PTH2R: variants seen among roughly 807,000 people sequenced by gnomAD.
The protein encoded by PTH2R is PTH2 receptor.
Under a neutral mutation model 60.3 loss-of-function variants are expected in PTH2R, and 59 were observed. That is an observed-to-expected ratio of 0.98 (90% CI 0.79 to 1.22). The LOEUF (loss-of-function observed/expected upper bound fraction) is 1.22. Among genes scored for constraint, PTH2R ranks in the 50% most tolerant of loss-of-function variants. The pLI, the probability that PTH2R is intolerant of heterozygous loss-of-function variation, is 0.00. For synonymous variants in PTH2R, 256 were observed against 243.8 expected, an observed-to-expected ratio of 1.05 and a Z score of -0.47; for missense variants, 749 against 682.6, an observed-to-expected ratio of 1.10 and a Z score of -1.08.
intron 2 of PTH2R, among the ~76,000 whole-genome samples, chr2:208,432,514 C>G (rs760603723): frequency 5.9e-5 from 9 of 152,056 alleles, no homozygotes; most frequent in African/African-American, 9.7e-5. Flanking sequence ...TCAAAGTTCT[C>G]CAGAGGAACA....
intron 1 of PTH2R, among the ~76,000 whole-genome samples, chr2:208,411,793 A>G (rs1701544751): frequency 6.6e-6 from 1 of 152,128 alleles, no homozygotes; most frequent in South Asian, 2.1e-4. Context: ...CACTGGCTCC[A>G]CTGTAAAATA....
chr2:208,444,604 G>C, intron 6 of PTH2R, 130 bp from the exon 7 acceptor site: 2 of 693,856 alleles, frequency 2.9e-6, no homozygotes, highest in Non-Finnish European at 4.4e-6. Flanking sequence ...CAACAGTTTT[G>C]ACTTTACTGT....
chr2:208,454,890 A>G (rs1702479512), intron 8 of PTH2R, among the ~76,000 whole-genome samples: 1 of 151,542 alleles, frequency 6.6e-6, no homozygotes, highest in Non-Finnish European at 1.5e-5. Flanking sequence ...CTATGCACTG[A>G]AAAAAAAATC....
intron 1 of PTH2R, among the ~76,000 whole-genome samples, chr2:208,382,272 A>T (rs1211665567): frequency 6.6e-6 from 1 of 152,102 alleles, no homozygotes; most frequent in Non-Finnish European, 1.5e-5. Context: ...ATGAGCATTC[A>T]CATACATGTC....
intron 1 of PTH2R, among the ~76,000 whole-genome samples, chr2:208,421,404 T>C (rs1169696126): frequency 6.6e-6 from 1 of 151,966 alleles, no homozygotes; most frequent in Non-Finnish European, 1.5e-5. Context: ...TGTGTGAGTA[T>C]GCATGCTTCC....
chr2:208,424,169 G>T (rs1213538028), intron 1 of PTH2R, among the ~76,000 whole-genome samples: 1 of 152,208 alleles, frequency 6.6e-6, no homozygotes, highest in Non-Finnish European at 1.5e-5. Context: ...GGAAGTCCAG[G>T]CTTCTTATAT....
chr2:208,460,218 T>C (rs1702606078), intron 9 of PTH2R, among the ~76,000 whole-genome samples: 1 of 152,146 alleles, frequency 6.6e-6, no homozygotes, highest in Non-Finnish European at 1.5e-5. Flanking sequence ...TGAGCATTTA[T>C]ATGTTTAGGG....
intron 10 of PTH2R, among the ~76,000 whole-genome samples, chr2:208,487,784 G>A (rs778207851): frequency 6.6e-6 from 1 of 152,184 alleles, no homozygotes; most frequent in South Asian, 2.1e-4. Context: ...GTAGGATTCA[G>A]TTACTTGCTG....
chr2:208,442,332 C>G, intron 4 of PTH2R, 32 bp from the exon 5 acceptor site: 1 of 1,440,294 alleles, frequency 6.9e-7, no homozygotes, highest in Non-Finnish European at 9.8e-7. Context: ...AAAATAGTCC[C>G]ATATCATACA....
chr2:208,444,764 A>G lies in PTH2R; in HGVS notation c.730A>G (p.Ile244Val), dbSNP rs941939930. Reference protein sequence around the residue: ...IGCKIAVVMFIYFLATNYYWI... With the variant: ...IGCKIAVVMFVYFLATNYYWI... Reference sequence around the variant, plus strand: ...GTGCAAGATTGCTGTTGTGATGTTTATTTACTTCCTGGCTACAAATTATTA... The same window carrying G: ...GTGCAAGATTGCTGTTGTGATGTTTGTTTACTTCCTGGCTACAAATTATTA... Residue 244 changes from isoleucine (I) to valine (V), a missense_variant, in exon 7 of 13, where the codon ATT becomes GTT. Physicochemically the swap from Ile to Val is conservative, Grantham distance 29. Transcript: ENST00000272847. 8.7e-6 allele frequency: 14 copies of G among 1,613,636 alleles called. No homozygotes were observed. Among genetic ancestry groups the G allele is most frequent in the Non-Finnish European group, 1.2e-5 (14 of 1,179,842 alleles).
chr2:208,409,054 G>A (rs2105833602), intron 1 of PTH2R, among the ~76,000 whole-genome samples: 1 of 152,138 alleles, frequency 6.6e-6, no homozygotes, highest in East Asian at 1.9e-4. Context: ...AGATGTTGCT[G>A]TACATAGTTT....
At chr2:208,372,119 C>A (rs1024839387) in intron 1 of PTH2R, among the ~76,000 whole-genome samples, 1 of 152,046 alleles carries the variant, frequency 6.6e-6, no homozygotes, top group African/African-American at 2.4e-5. Context: ...GATGGGGTTT[C>A]ACCATGTTGG....
chr2:208,435,656 T>C (rs1237029627), intron 2 of PTH2R, among the ~76,000 whole-genome samples: 2 of 152,172 alleles, frequency 1.3e-5, no homozygotes, highest in Admixed American at 6.5e-5. Context: ...CTTGGTTCTA[T>C]GTCTGCAAGG....
Position 208,489,211 on chromosome 2 carries a change from A to G in PTH2R, c.1215+61A>G. 5 of 1,601,198 alleles carry G rather than the reference A, an allele frequency of 3.1e-6. 1 individual carries two copies. In the South Asian group the frequency reaches 5.5e-5, roughly 18 times the overall value. On this transcript the variant is annotated intron_variant, in intron 11 of 12. Transcript: ENST00000272847. ...TTTGCAGTTTTTTTTCCTTTTGGTC[A>G]CTTACAACCTTTTTCTCTGCACTCT...
In PTH2R at chr2:208,489,056, T is replaced by C. The variant is rs1404896332; in HGVS notation, c.1121T>C (p.Val374Ala). 2.5e-6 allele frequency: 4 copies of C among 1,614,016 alleles called. No homozygotes were observed. The South Asian group carries it at 3.3e-5, about 13-fold the overall frequency. Reference protein sequence around the residue: ...STLVLVLVFGVHYIVFVCLPH... With the variant: ...STLVLVLVFGAHYIVFVCLPH... ...CTGGTCCTGGTCCTAGTCTTTGGAGTGCATTACATCGTGTTCGTATGCCTG... is the reference window on the plus strand; with the variant it reads ...CTGGTCCTGGTCCTAGTCTTTGGAGCGCATTACATCGTGTTCGTATGCCTG... The change falls in exon 11 of 13, where the codon GTG becomes GCG. Residue 374 changes from valine (V) to alanine (A), a missense_variant. Val to Ala is a moderately conservative substitution (Grantham distance 64). Coordinates refer to ENST00000272847, the MANE Select transcript of PTH2R (RefSeq NM_005048.4).
chr2:208,378,151 A>G (rs1417444926), intron 1 of PTH2R, among the ~76,000 whole-genome samples: 6 of 151,914 alleles, frequency 3.9e-5, no homozygotes, highest in Non-Finnish European at 7.4e-5. Flanking sequence ...CTGGCGGATC[A>G]CTCGCGGTTA....
rs950049633 is a variant in PTH2R, at chr2:208,369,237, C to T, written c.-259+9000C>T. Among the ~76,000 whole-genome samples the T allele has an allele frequency of 5.1e-4, 78 of 152,168 alleles. 1 individual carries two copies. Among genetic ancestry groups the T allele is most frequent in the African/African-American group, 1.8e-3 (76 of 41,466 alleles). On this transcript the variant is annotated intron_variant, in intron 1 of 12. Coordinates refer to the PTH2R transcript ENST00000617735. ...TTTTACCCTCATAGCCTAACAGAAGCACATTGGAAGTGAAGATGTGCAGAT... is the reference window on the plus strand; with the variant it reads ...TTTTACCCTCATAGCCTAACAGAAGTACATTGGAAGTGAAGATGTGCAGAT...
At chr2:208,390,661 C>A (rs1432602153) in intron 1 of PTH2R, among the ~76,000 whole-genome samples, 1 of 152,124 alleles carries the variant, frequency 6.6e-6, no homozygotes, top group Non-Finnish European at 1.5e-5. Flanking sequence ...AAGCAAAATG[C>A]TACAGTAATT....
chr2:208,432,428 G>A (rs1173136877), intron 2 of PTH2R, among the ~76,000 whole-genome samples: 1 of 152,088 alleles, frequency 6.6e-6, no homozygotes, highest in Non-Finnish European at 1.5e-5. Context: ...AAGGCTTCCT[G>A]GAAGAATAAT....
Sources: allele counts gnomAD v4.1 joint callset (sites outside exome capture counted in the v4.1 genomes callset), GRCh38; gene constraint gnomAD v4.1.1; transcripts MANE v1.5; gene names NCBI Gene and HGNC (gene_info 2026-07-23, HGNC 2026-07-21).